PRDM16: variants seen among roughly 807,000 people sequenced by gnomAD.
PRDM16 encodes histone-lysine N-methyltransferase PRDM16.
PRDM16 carries 23 observed loss-of-function variants against 110.6 expected under a neutral mutation model. The ratio of observed to expected loss-of-function variants is 0.21; its 90% confidence interval spans 0.15 to 0.29. The LOEUF is 0.29. PRDM16 is among the 10% of genes least tolerant of loss of function. PRDM16 has a pLI of 1.00. For synonymous variants in PRDM16, 799 were observed against 781.8 expected, an observed-to-expected ratio of 1.02 and a Z score of -0.37; for missense variants, 1,615 against 1,794.3, an observed-to-expected ratio of 0.90 and a Z score of 1.81.
chr1:3,103,252 C>T (rs181509010), intron 1 of PRDM16, among the ~76,000 whole-genome samples: 72 of 152,316 alleles, frequency 4.7e-4, no homozygotes, highest in African/African-American at 1.6e-3. Flanking sequence ...CCCCGTGGTG[C>T]TGTTTGCTCC....
chr1:3,085,847 C>G (rs1309536328), intron 1 of PRDM16, among the ~76,000 whole-genome samples: 3 of 152,252 alleles, frequency 2.0e-5, no homozygotes, highest in Admixed American at 6.5e-5. Flanking sequence ...CAGATGGGCA[C>G]AGCTGTGGGA....
chr1:3,197,151 G>C (rs956452466), intron 2 of PRDM16, among the ~76,000 whole-genome samples: 1 of 152,152 alleles, frequency 6.6e-6, no homozygotes, highest in Admixed American at 6.5e-5. Flanking sequence ...AGTCCCCCTT[G>C]GGACATCACC....
intron 3 of PRDM16, among the ~76,000 whole-genome samples, chr1:3,321,668 T>G (rs1417678300): frequency 6.6e-6 from 1 of 151,952 alleles, no homozygotes; most frequent in Non-Finnish European, 1.5e-5. Context: ...AATGTGTGGG[T>G]GCACGTGTGT....
intron 1 of PRDM16, among the ~76,000 whole-genome samples, chr1:3,162,320 C>T (rs949515673): frequency 3.3e-5 from 5 of 152,156 alleles, no homozygotes; most frequent in Non-Finnish European, 5.9e-5. Context: ...ACTCCGTGCC[C>T]GGTAAATAGT....
At chr1:3,287,791 C>G (rs997588879) in intron 3 of PRDM16, among the ~76,000 whole-genome samples, 4 of 143,388 alleles carry the variant, frequency 2.8e-5, no homozygotes, top group African/African-American at 1.1e-4. Context: ...GGGGCTGGAG[C>G]CGCCCCCTGC....
At chr1:3,182,013 ACT>A (rs1391799888) in intron 1 of PRDM16, among the ~76,000 whole-genome samples, 1 of 152,138 alleles carries the variant, frequency 6.6e-6, no homozygotes, top group Non-Finnish European at 1.5e-5. Context: ...GCTTACACAC[ACT>A]GTCTTACACA....
chr1:3,140,995 A>C (rs1643540103), intron 1 of PRDM16, among the ~76,000 whole-genome samples: 1 of 152,206 alleles, frequency 6.6e-6, no homozygotes, highest in African/African-American at 2.4e-5. Flanking sequence ...GAGCCAGAGG[A>C]GTCCCCATGT....
Position 3,355,027 on chromosome 1 carries a change from A to AG in PRDM16, c.439-30119dup, listed in dbSNP as rs564384450. 8.5e-5 allele frequency among the ~76,000 whole-genome samples: 13 copies of AG among 152,244 alleles called. 1 individual carries two copies. In the South Asian group the frequency reaches 2.7e-3, roughly 32 times the overall value. The stretch of plus-strand genomic sequence containing the variant: ...GTAGAGTGCTCTGTGGCTGAGCACC[A>AG]GGGGGGAACCCACCGGGACAAAGCC... On this transcript the variant is annotated intron_variant, in intron 3 of 16. Transcript: ENST00000270722.
At chr1:3,229,772 T>C (rs1639365333) in intron 2 of PRDM16, among the ~76,000 whole-genome samples, 1 of 152,184 alleles carries the variant, frequency 6.6e-6, no homozygotes, top group African/African-American at 2.4e-5. Context: ...GTGTCTGTTT[T>C]TCTGAGGCTC....
chr1:3,404,673 T>C lies in PRDM16; in HGVS notation c.885-66T>C. The C allele has an allele frequency of 5.6e-6, 9 of 1,596,154 alleles. No individual in the cohort carries two copies. In the South Asian group the frequency reaches 1.0e-4, roughly 18 times the overall value. On this transcript the variant is annotated intron_variant, in intron 6 of 16. Transcript: ENST00000270722. ...GGGGCACTGGGAACAAGCTGTATGG[T>C]TGGGGTCCCCTCCCGGGCAGAGGGC...
intron 9 of PRDM16, among the ~76,000 whole-genome samples, chr1:3,414,278 C>T (rs570172579): frequency 6.6e-6 from 1 of 152,276 alleles, no homozygotes; most frequent in South Asian, 2.1e-4. Flanking sequence ...TCGAGGGGAC[C>T]TTGGAGGCAT....
Position 3,412,796 on chromosome 1 carries a change from T to C in PRDM16, c.2599T>C (p.Tyr867His), listed in dbSNP as rs1419481200. ...CTCGCCCTTCTTCATGGACCCCATCTACAGGTATTCAGCACCCCAGCCTCA... is the reference window on the plus strand; with the variant it reads ...CTCGCCCTTCTTCATGGACCCCATCCACAGGTATTCAGCACCCCAGCCTCA... ...KPSPFFMDPI[Y>H]SRVEKRKVTD... Residue 867 changes from tyrosine (Y) to histidine (H), a missense_variant, in exon 9 of 17, where the codon TAC becomes CAC. By Grantham distance (83) the Tyr-to-His change is moderately conservative. Coordinates refer to ENST00000270722, the MANE Select transcript of PRDM16 (RefSeq NM_022114.4). The C allele has an allele frequency of 2.1e-6, 3 of 1,459,202 alleles. No homozygotes were observed. Among genetic ancestry groups the C allele is most frequent in the Non-Finnish European group, 2.7e-6 (3 of 1,106,066 alleles). 90.4% of individuals were successfully genotyped at this position (1,459,202 alleles called of 1,614,324 possible).
intron 1 of PRDM16, among the ~76,000 whole-genome samples, chr1:3,073,222 C>A (rs1016329900): frequency 2.6e-5 from 4 of 152,224 alleles, no homozygotes; most frequent in Admixed American, 2.6e-4. Flanking sequence ...GGGGCTCCCC[C>A]CACCGGGCCC....
chr1:3,420,184 G>A (rs1276992141), intron 12 of PRDM16, among the ~76,000 whole-genome samples: 1 of 152,218 alleles, frequency 6.6e-6, no homozygotes, highest in Non-Finnish European at 1.5e-5. Context: ...TGCTTTGCAA[G>A]TTTGTGTTGC....
intron 1 of PRDM16, among the ~76,000 whole-genome samples, chr1:3,093,379 G>A (rs949586010): frequency 2.0e-5 from 3 of 152,212 alleles, no homozygotes; most frequent in Non-Finnish European, 2.9e-5. Context: ...GTGCAACATG[G>A]TCAGACTGGG....
At chr1:3,121,272 C>A (rs961226613) in intron 1 of PRDM16, among the ~76,000 whole-genome samples, 115 of 152,190 alleles carry the variant, frequency 7.6e-4, no homozygotes, top group African/African-American at 2.7e-3. Flanking sequence ...GGCTGCGGTG[C>A]CTCCGGTCCT....
chr1:3,110,974 C>T (rs1000327821), intron 1 of PRDM16, among the ~76,000 whole-genome samples: 18 of 152,292 alleles, frequency 1.2e-4, no homozygotes, highest in African/African-American at 4.3e-4. Context: ...GGCAAGACGG[C>T]AGGGGAGCCA....
intron 1 of PRDM16, among the ~76,000 whole-genome samples, chr1:3,184,162 G>A (rs1376210843): frequency 3.3e-5 from 5 of 152,140 alleles, no homozygotes; most frequent in South Asian, 4.1e-4. Context: ...GAAAGGACCC[G>A]TTGGCCACTT....
At chr1:3,324,067 A>C (rs1031461416) in intron 3 of PRDM16, among the ~76,000 whole-genome samples, 3 of 152,182 alleles carry the variant, frequency 2.0e-5, no homozygotes, top group South Asian at 2.1e-4. Flanking sequence ...TACCAGCAGC[A>C]GGGCCAGCCC....
Sources: allele counts gnomAD v4.1 joint callset (sites outside exome capture counted in the v4.1 genomes callset), GRCh38; gene constraint gnomAD v4.1.1; transcripts MANE v1.5; gene names NCBI Gene and HGNC (gene_info 2026-07-23, HGNC 2026-07-21).